ENG: variants seen among roughly 807,000 people sequenced by gnomAD.
The protein encoded by ENG is endoglin.
In ENG, 17 loss-of-function variants were observed where a neutral mutation model predicts 71.0. That is an observed-to-expected ratio of 0.24 (90% confidence interval 0.16 to 0.36). The LOEUF is 0.36. ENG is among the 10% of genes least tolerant of loss of function. The pLI is 1.00. For missense variants in ENG, 749 were observed against 868.3 expected (o/e 0.86, Z 1.73); for synonymous variants, 360 against 366.9 (o/e 0.98, Z 0.21).
Position 127,838,077 on chromosome 9 carries a change from CG to C in ENG, c.219+5016del, listed in dbSNP as rs1347590062. ...GTGTCCACATGTGGACAGCTCAGCC[CG>C]GATACCCAAACTCCACCATGCCTGC... On this transcript the variant is annotated intron_variant, in intron 2 of 14. Transcript: ENST00000373203. This position sits in a 1 kb window ranked among gnomAD's most constrained non-coding sequence, Gnocchi z 4.3. Among the ~76,000 whole-genome samples, 1 of 152,192 alleles carries C rather than the reference CG, an allele frequency of 6.6e-6. No homozygotes were observed. Among genetic ancestry groups the C allele is most frequent in the Non-Finnish European group, 1.5e-5 (1 of 68,030 alleles).
In ENG at chr9:127,837,792, A is replaced by ATCCATCCATCCATCCG. The variant is rs1374807597; in HGVS notation, c.219+5301_219+5302insCGGATGGATGGATGGA. On this transcript the variant is annotated intron_variant, in intron 2 of 14. Coordinates refer to ENST00000373203, the MANE Select transcript of ENG (RefSeq NM_001114753.3). ...CATGAATGCATCCATCCATCCATCCATCCATCCATCCATCCATCCATCCAA... is the reference window on the plus strand; with the variant it reads ...CATGAATGCATCCATCCATCCATCCATCCATCCATCCATCCGTCCATCCATCCATCCATCCATCCAA... Among the ~76,000 whole-genome samples the ATCCATCCATCCATCCG allele has an allele frequency of 3.7e-5, 5 of 135,886 alleles. No individual in the cohort carries two copies. In the East Asian group the frequency reaches 9.7e-4, roughly 26 times the overall value. The allele number at this position is 135,886 out of a possible 152,430, so 89.1% of individuals were successfully genotyped here.
At chr9:127,825,632 G>GT in intron 5 of ENG, 63 bp downstream of exon 5, 1 of 1,402,898 alleles carries the variant, frequency 7.1e-7, no homozygotes, top group Non-Finnish European at 9.5e-7. Context: ...AGGGGGCGGG[G>GT]GGGGTCAGGG....
intron 6 of ENG, 122 bp downstream of exon 6, chr9:127,825,109 C>A: frequency 6.3e-7 from 1 of 1,596,000 alleles, no homozygotes; most frequent in Non-Finnish European, 8.6e-7. Flanking sequence ...CCCCTTCCCT[C>A]ACGTATGGGC....
chr9:127,816,123 C>T, intron 13 of ENG, 70 bp from the exon 14 acceptor site: 18 of 1,555,670 alleles, frequency 1.2e-5, no homozygotes, highest in Non-Finnish European at 1.4e-5. Flanking sequence ...TTGTGCTGGC[C>T]CATGTGGGCT....
Position 127,815,587 on chromosome 9 carries a change from C to A in ENG, c.*95G>T. 2 of 1,496,764 alleles carry A rather than the reference C, an allele frequency of 1.3e-6. No individual in the cohort carries two copies. The highest frequency in any genetic ancestry group is 1.3e-5 in the South Asian group (1 of 78,052). The allele number at this position is 1,496,764 out of a possible 1,614,324, so 92.7% of individuals were successfully genotyped here. ...GCGGAGAGCAGGCTCCATTCTGGGT[C>A]GAGTGGAGGACTGGCTCCCAGGGTG... On this transcript the variant is annotated 3_prime_UTR_variant, in exon 15 of 15. Coordinates refer to ENST00000373203, the MANE Select transcript of ENG (RefSeq NM_001114753.3).
Position 127,838,586 on chromosome 9 carries a change from C to T in ENG, c.219+4508G>A, listed in dbSNP as rs1022098979. ...TCAGGGGTGGGTGGGGTCTCAGCTG[C>T]CCCAAGTTTGCCCAGGAGTGGGTGA... On this transcript the variant is annotated intron_variant, in intron 2 of 14. Coordinates refer to ENST00000373203, the MANE Select transcript of ENG (RefSeq NM_001114753.3). The surrounding 1 kb of genome is among the most constrained non-coding windows in gnomAD (Gnocchi z 4.3). Among the ~76,000 whole-genome samples, 21 of 152,310 alleles carry T rather than the reference C, an allele frequency of 1.4e-4. No individual in the cohort carries two copies. Among genetic ancestry groups the T allele is most frequent in the African/African-American group, 5.1e-4 (21 of 41,576 alleles).
chr9:127,849,154 C>T (rs1258525696), intron 1 of ENG, among the ~76,000 whole-genome samples: 1 of 152,150 alleles, frequency 6.6e-6, no homozygotes, highest in Non-Finnish European at 1.5e-5. Flanking sequence ...TCTAAAATAG[C>T]TAACTGGAAT....
rs531493987 is a variant in ENG at position 127,817,067 on chromosome 9, G to A, written c.1741+82C>T. On this transcript the variant is annotated intron_variant, in intron 13 of 14. Transcript: ENST00000373203. ...CCCCTTGCCATGTGCTATGTGCCCAGGCCGTTTCTCAGGGCTGCCCGCTGT... is the reference window on the plus strand; with the variant it reads ...CCCCTTGCCATGTGCTATGTGCCCAAGCCGTTTCTCAGGGCTGCCCGCTGT... 1.1e-5 allele frequency: 17 copies of A among 1,521,616 alleles called. No homozygotes were observed. In the African/African-American group the frequency reaches 2.3e-4, roughly 21 times the overall value. 94.3% of individuals were successfully genotyped at this position (1,521,616 alleles called of 1,614,324 possible).
At chr9:127,823,745 G>A (rs957871311) in intron 8 of ENG, among the ~76,000 whole-genome samples, 1 of 129,506 alleles carries the variant, frequency 7.7e-6, no homozygotes, top group Admixed American at 8.2e-5. Flanking sequence ...TTAGTGGTGT[G>A]ATCTCGGCTC....
Position 127,827,710 on chromosome 9 carries a change from ACTCCTGGCCTCAAGAGACC to A in ENG, c.361-1057_361-1039del, listed in dbSNP as rs564085575. On this transcript the variant is annotated intron_variant, in intron 3 of 14. Transcript: ENST00000373203. ...ACTATGTTGCCCAGGCTGGTCTCCA[ACTCCTGGCCTCAAGAGACC>A]CTCCTGGCCAGGCACAGTGGCTCAC... 2.6e-5 allele frequency among the ~76,000 whole-genome samples: 4 copies of A among 152,018 alleles called. No homozygotes were observed. In the East Asian group the frequency reaches 7.7e-4, roughly 29 times the overall value.
At chr9:127,821,880 T>TAAAAAAA (rs34166162) in intron 8 of ENG, among the ~76,000 whole-genome samples, 1 of 53,054 alleles carries the variant, frequency 1.9e-5, no homozygotes, top group Non-Finnish European at 3.6e-5. Flanking sequence ...GAGACTGTCT[T>TAAAAAAA]AAAAAAAAAA....
chr9:127,818,210 G>A lies in ENG; in HGVS notation c.1596C>T (p.Phe532=). The change falls in exon 12 of 15, where the codon TTC becomes TTT. Residue 532 remains phenylalanine, a synonymous_variant. Coordinates refer to ENST00000373203, the MANE Select transcript of ENG (RefSeq NM_001114753.3). ...TGGGTACTGTGTAGAAGTGGAGGAG[G>A]AAGCTGAAGCGCGGGTCACCCTCGG... ...PSPEGDPRFS[F]LLHFYTVPIP... The A allele has an allele frequency of 6.2e-7, 1 of 1,614,198 alleles. No individual in the cohort carries two copies. The highest frequency in any genetic ancestry group is 8.5e-7 in the Non-Finnish European group (1 of 1,180,034).
chr9:127,825,312 C>T lies in ENG; in HGVS notation c.735G>A (p.Gly245=), dbSNP rs925382657. ...TVKVELSCAP[G]DLDAVLILQG... ...GCAGGATGAGGACGGCATCGAGATC[C>T]CCGGGTGCGCAGCTCAGTTCCACCT... The change falls in exon 6 of 15, where the codon GGG becomes GGA. Residue 245 remains glycine (G), a synonymous_variant. Transcript: ENST00000373203. 24 of 1,611,252 alleles carry T rather than the reference C, an allele frequency of 1.5e-5. No homozygotes were observed. The highest frequency in any genetic ancestry group is 1.9e-5 in the Non-Finnish European group (23 of 1,179,552).
At chr9:127,854,012 C>G (rs571801092) in intron 1 of ENG, among the ~76,000 whole-genome samples, 4 of 152,344 alleles carry the variant, frequency 2.6e-5, no homozygotes, top group Admixed American at 2.6e-4. Flanking sequence ...ACCTAGGCTT[C>G]CCGGGGAGTA....
Position 127,838,569 on chromosome 9 carries a change from G to A in ENG, c.219+4525C>T, listed in dbSNP as rs1830956875. Among the ~76,000 whole-genome samples the A allele has an allele frequency of 6.6e-6, 1 of 152,204 alleles. No homozygotes were observed. The highest frequency in any genetic ancestry group is 2.1e-4 in the South Asian group (1 of 4,838). On this transcript the variant is annotated intron_variant, in intron 2 of 14. Transcript: ENST00000373203. This position sits in a 1 kb window ranked among gnomAD's most constrained non-coding sequence, Gnocchi z 4.3. Reference sequence around the variant, plus strand: ...TGACAGGCTGTGTCTGTTCAGGGGTGGGTGGGGTCTCAGCTGCCCCAAGTT... The same window carrying A: ...TGACAGGCTGTGTCTGTTCAGGGGTAGGTGGGGTCTCAGCTGCCCCAAGTT...
At chr9:127,827,237 G>T (rs1588584095) in intron 3 of ENG, 1 of 155,400 alleles carries the variant, frequency 6.4e-6, no homozygotes, top group African/African-American at 2.4e-5. Flanking sequence ...ATGGATGAAT[G>T]AATTAATGAA....
chr9:127,825,943 A>C, intron 4 of ENG, 83 bp from the exon 5 acceptor site: 1 of 1,523,280 alleles, frequency 6.6e-7, no homozygotes, highest in South Asian at 1.2e-5. Context: ...AGCCAAAGAT[A>C]GTGGTGGGGC....
At chr9:127,842,945 C>T in intron 2 of ENG, 149 bp downstream of exon 2, 1 of 1,304,960 alleles carries the variant, frequency 7.7e-7, no homozygotes, top group African/African-American at 1.4e-5. Flanking sequence ...CTTATGGGCC[C>T]TGTGAGATGC....
chr9:127,834,943 T>G (rs1269468738), intron 2 of ENG, among the ~76,000 whole-genome samples: 2 of 151,922 alleles, frequency 1.3e-5, no homozygotes, highest in African/African-American at 2.4e-5. Context: ...TCTAGTGGGT[T>G]TATAACTTTT....
Sources: gnomAD v4.1 joint callset for allele counts (sites outside exome capture counted in the v4.1 genomes callset) on GRCh38, gnomAD v4.1.1 for gene constraint, Gnocchi (gnomAD v3.1) non-coding constraint, MANE v1.5 for transcripts, NCBI Gene and HGNC (gene_info 2026-07-23, HGNC 2026-07-21) for gene names.